The following NRXN1 variants were observed in gnomAD, a reference collection of about 807,000 sequenced individuals.
NRXN1 encodes neurexin-1.
In NRXN1, 39 loss-of-function variants were observed where a neutral mutation model predicts 150.9. The observed-to-expected ratio is 0.26, with a 90% CI of 0.20 to 0.34. NRXN1 has a LOEUF of 0.34. NRXN1 is among the 10% of genes least tolerant of loss of function. The probability of loss-of-function intolerance (pLI) is 1.00; values close to 1 mark genes in which losing one functional copy is unlikely to be tolerated. For missense variants in NRXN1, 1,815 were observed against 1,949.9 expected, an observed-to-expected ratio of 0.93 and a Z score of 1.30; for synonymous variants, 924 against 757.0, an observed-to-expected ratio of 1.22 and a Z score of -3.62.
At chr2:50,881,865 G>A (rs1377493938) in intron 5 of NRXN1, among the ~76,000 whole-genome samples, 3 of 151,722 alleles carry the variant, frequency 2.0e-5, no homozygotes, top group Non-Finnish European at 4.4e-5. Context: ...TGTCCCAGGA[G>A]TTAATGGAGT....
At chr2:50,878,321 T>C (rs1053195051) in intron 5 of NRXN1, among the ~76,000 whole-genome samples, 1 of 151,870 alleles carries the variant, frequency 6.6e-6, no homozygotes. Flanking sequence ...TCCCTGTGAG[T>C]AGAAGGCCCT....
At chr2:50,359,459 C>T (rs930670783) in intron 17 of NRXN1, among the ~76,000 whole-genome samples, 3 of 151,496 alleles carry the variant, frequency 2.0e-5, no homozygotes, top group Admixed American at 6.6e-5. Flanking sequence ...CTTCGTGAAG[C>T]ACACACAAGT....
chr2:50,689,928 C>T (rs1454353699), intron 5 of NRXN1, among the ~76,000 whole-genome samples: 1 of 147,270 alleles, frequency 6.8e-6, no homozygotes, highest in African/African-American at 2.5e-5. Flanking sequence ...CTCTTGTCAC[C>T]CAGGCTGCAG....
In NRXN1 at chr2:50,142,919, T is replaced by C. The variant is rs141226097; in HGVS notation, c.3547-51425A>G. ...GAATACAGTAAGAAGTCACCAGAAA[T>C]GTCAAGCAGACTGTTTGCCAGTCTG... On this transcript the variant is annotated intron_variant, in intron 18 of 22. Coordinates refer to ENST00000401669, the MANE Select transcript of NRXN1 (RefSeq NM_001330078.2). Among the ~76,000 whole-genome samples the C allele has an allele frequency of 5.9e-3, 891 of 151,934 alleles. 9 individuals carry two copies. Among genetic ancestry groups the C allele is most frequent in the African/African-American group, 0.019 (788 of 41,502 alleles).
intron 2 of NRXN1, among the ~76,000 whole-genome samples, chr2:51,024,559 C>A (rs564619587): frequency 1.3e-5 from 2 of 152,206 alleles, no homozygotes; most frequent in Admixed American, 6.5e-5. Flanking sequence ...ATAAATAAAA[C>A]TTGCTAGGCT....
intron 12 of NRXN1, among the ~76,000 whole-genome samples, chr2:50,512,119 G>A (rs1347021996): frequency 6.6e-6 from 1 of 151,570 alleles, no homozygotes; most frequent in African/African-American, 2.4e-5. Flanking sequence ...TCAAACTATT[G>A]TCATTCTTAG....
chr2:50,392,240 C>T (rs897252557), intron 17 of NRXN1, among the ~76,000 whole-genome samples: 2 of 152,072 alleles, frequency 1.3e-5, no homozygotes, highest in African/African-American at 4.8e-5. Context: ...ACTGCAAATA[C>T]CTTCTCAGGT....
At position 50,027,040 on chromosome 2, in the gene NRXN1, C is replaced by T. The variant is rs145705482; in HGVS notation, c.4128+26231G>A. ...GAGACTACAGGTGTGTGCCACCACA[C>T]CCAGCTAATTTTTTTGCATTTTTAG... On this transcript the variant is annotated intron_variant, in intron 21 of 22. Transcript: ENST00000401669. Among the ~76,000 whole-genome samples, 1,043 of 151,520 alleles carry T rather than the reference C, an allele frequency of 6.9e-3. 12 individuals carry two copies. The highest frequency in any genetic ancestry group is 0.024 in the African/African-American group (973 of 41,308).
intron 17 of NRXN1, among the ~76,000 whole-genome samples, chr2:50,359,110 C>A (rs2079013979): frequency 6.6e-6 from 1 of 152,160 alleles, no homozygotes; most frequent in Non-Finnish European, 1.5e-5. Flanking sequence ...AGTTTACCAA[C>A]AGCAAAGACC....
At chr2:50,393,127 A>T (rs1160318706) in intron 17 of NRXN1, among the ~76,000 whole-genome samples, 1 of 151,796 alleles carries the variant, frequency 6.6e-6, no homozygotes, top group African/African-American at 2.4e-5. Flanking sequence ...AGATGTTATC[A>T]ATTTCTAGGT....
At chr2:50,170,539 C>T (rs879754094) in intron 18 of NRXN1, among the ~76,000 whole-genome samples, 3 of 152,072 alleles carry the variant, frequency 2.0e-5, no homozygotes, top group Non-Finnish European at 4.4e-5. Context: ...TCAAGTGATT[C>T]GCCCACCTTG....
At chr2:50,004,834 A>G (rs1348024168) in intron 21 of NRXN1, among the ~76,000 whole-genome samples, 1 of 152,170 alleles carries the variant, frequency 6.6e-6, no homozygotes, top group Admixed American at 6.6e-5. Context: ...TGCTACACGC[A>G]TCTAGTTAAA....
At chr2:50,501,570 A>C (rs2091948830) in intron 13 of NRXN1, among the ~76,000 whole-genome samples, 1 of 152,072 alleles carries the variant, frequency 6.6e-6, no homozygotes, top group Non-Finnish European at 1.5e-5. Flanking sequence ...GGGAATGATG[A>C]TGCCTGGCTT....
chr2:50,253,331 T>C (rs571757040), intron 17 of NRXN1, among the ~76,000 whole-genome samples: 48 of 152,324 alleles, frequency 3.2e-4, no homozygotes, highest in Non-Finnish European at 6.2e-4. Flanking sequence ...GGGGGTTTTC[T>C]AAATATAGGA....
chr2:50,972,743 G>T (rs953441497), intron 2 of NRXN1, among the ~76,000 whole-genome samples: 1 of 151,924 alleles, frequency 6.6e-6, no homozygotes, highest in Non-Finnish European at 1.5e-5. Flanking sequence ...GTCATCACAG[G>T]GTTTGCGCTC....
chr2:50,386,479 C>G, intron 17 of NRXN1, among the ~76,000 whole-genome samples: 1 of 151,880 alleles, frequency 6.6e-6, no homozygotes, highest in Non-Finnish European at 1.5e-5. Flanking sequence ...GAGCGGTTGT[C>G]TTTTTTTCAG....
At chr2:50,929,964 C>G (rs1026062768) in intron 2 of NRXN1, among the ~76,000 whole-genome samples, 11 of 152,002 alleles carry the variant, frequency 7.2e-5, no homozygotes, top group South Asian at 4.1e-4. Context: ...AAATGCGGCC[C>G]AGAACCAAGA....
intron 2 of NRXN1, among the ~76,000 whole-genome samples, chr2:51,007,850 T>A (rs914610135): frequency 6.6e-6 from 1 of 151,896 alleles, no homozygotes; most frequent in African/African-American, 2.4e-5. Flanking sequence ...GTATATTGTT[T>A]GAATATTTTA....
intron 17 of NRXN1, among the ~76,000 whole-genome samples, chr2:50,372,383 G>A (rs2080094203): frequency 6.6e-6 from 1 of 151,980 alleles, no homozygotes; most frequent in Non-Finnish European, 1.5e-5. Context: ...CACCTGAAAT[G>A]CAACAAAGTA....
Sources: allele counts gnomAD v4.1 joint callset (sites outside exome capture counted in the v4.1 genomes callset), GRCh38; gene constraint gnomAD v4.1.1; transcripts MANE v1.5; gene names NCBI Gene and HGNC (gene_info 2026-07-23, HGNC 2026-07-21).